TNC: variants seen among roughly 807,000 people sequenced by gnomAD.
TNC encodes the protein tenascin C, also known as tenascin.
In TNC, 109 loss-of-function variants were observed where a neutral mutation model predicts 202.4. The observed-to-expected ratio is 0.54, with a 90% CI of 0.46 to 0.63. The LOEUF (loss-of-function observed/expected upper bound fraction) is 0.63, where lower values mean the gene tolerates loss of function less well. Ranked by LOEUF, TNC falls within the 30% of genes least tolerant of loss-of-function variation. TNC has a pLI of 0.00. For synonymous variants in TNC, 1,007 were observed against 1,089.7 expected, an observed-to-expected ratio of 0.92 and a Z score of 1.50; for missense variants, 2,756 against 2,833.3, an observed-to-expected ratio of 0.97 and a Z score of 0.62.
Position 115,084,432 on chromosome 9 carries a change from T to C in TNC, c.1908A>G (p.Glu636=). The C allele has an allele frequency of 6.2e-7, 1 of 1,614,184 alleles. No homozygotes were observed. The highest frequency in any genetic ancestry group is 1.1e-5 in the South Asian group (1 of 91,080). Residue 636 remains glutamate (E), a synonymous_variant, in exon 4 of 28, where the codon GAA becomes GAG. Coordinates refer to ENST00000350763, the MANE Select transcript of TNC (RefSeq NM_002160.4). ...PKDLVVTEVT[E]ETVNLAWDNE... Reference sequence around the variant, plus strand: ...TGTCCCAGGCCAGGTTGACCGTCTCTTCCGTCACTTCTGTCACAACGAGGT... The same window carrying C: ...TGTCCCAGGCCAGGTTGACCGTCTCCTCCGTCACTTCTGTCACAACGAGGT...
intron 27 of TNC, 123 bp from the exon 28 acceptor site, chr9:115,021,390 A>G (rs1829058623): frequency 1.5e-6 from 1 of 663,664 alleles, no homozygotes; most frequent in Non-Finnish European, 2.6e-6. Flanking sequence ...TTCTGTTTCA[A>G]TTTGACCATT....
chr9:115,031,478 A>G, intron 23 of TNC, 75 bp downstream of exon 23: 1 of 1,383,220 alleles, frequency 7.2e-7, no homozygotes, highest in Non-Finnish European at 9.5e-7. Context: ...TTAAAGTAGA[A>G]GTCAAAGGGG....
intron 4 of TNC, 91 bp from the exon 5 acceptor site, chr9:115,082,898 C>T (rs907214409): frequency 2.4e-6 from 2 of 844,094 alleles, no homozygotes; most frequent in African/African-American, 3.3e-5. Flanking sequence ...GACTGGATGT[C>T]TGCAACAGTC....
chr9:115,036,017 G>A, intron 21 of TNC, 81 bp downstream of exon 21: 1 of 1,545,990 alleles, frequency 6.5e-7, no homozygotes, highest in Non-Finnish European at 8.8e-7. Context: ...AAGAAGAACT[G>A]GCTAGCGGTT....
At position 115,105,765 on chromosome 9, in the gene TNC, G is replaced by C. The variant is rs552733917; in HGVS notation, c.-137+12217C>G. ...GATAGGTACTAATCTGAGGGAAAAA[G>C]ATTTCCTAATTAAACACGTTTGGAA... On this transcript the variant is annotated intron_variant, in intron 1 of 27. Coordinates refer to ENST00000350763, the MANE Select transcript of TNC (RefSeq NM_002160.4). Among the ~76,000 whole-genome samples the C allele has an allele frequency of 3.3e-5, 5 of 152,234 alleles. No individual in the cohort carries two copies. In the South Asian group the frequency reaches 1.0e-3, roughly 32 times the overall value.
intron 1 of TNC, among the ~76,000 whole-genome samples, chr9:115,104,316 C>A (rs937707937): frequency 6.6e-6 from 1 of 152,054 alleles, no homozygotes; most frequent in Non-Finnish European, 1.5e-5. Flanking sequence ...TAGGAAGAAC[C>A]GATTACAGAC....
At chr9:115,066,715 G>A (rs1354106001) in intron 10 of TNC, among the ~76,000 whole-genome samples, 1 of 152,104 alleles carries the variant, frequency 6.6e-6, no homozygotes, top group African/African-American at 2.4e-5. Flanking sequence ...TTTTTACATG[G>A]TCGGGAAATA....
At chr9:115,026,753 A>G in intron 25 of TNC, 58 bp from the exon 26 acceptor site, 1 of 1,579,768 alleles carries the variant, frequency 6.3e-7, no homozygotes, top group South Asian at 1.1e-5. Context: ...CCTCATTTCT[A>G]TTTCACTCTG....
chr9:115,075,771 G>C (rs142062622), intron 9 of TNC, among the ~76,000 whole-genome samples: 4 of 152,052 alleles, frequency 2.6e-5, no homozygotes, highest in Non-Finnish European at 4.4e-5. Context: ...GTGGCAGAGC[G>C]ATACTCCATC....
At chr9:115,072,820 A>G (rs1385369539) in intron 10 of TNC, among the ~76,000 whole-genome samples, 1 of 152,196 alleles carries the variant, frequency 6.6e-6, no homozygotes, top group African/African-American at 2.4e-5. Flanking sequence ...GAAAAGTAAC[A>G]TTTTCCACCT....
intron 27 of TNC, among the ~76,000 whole-genome samples, chr9:115,021,708 T>C (rs1310993940): frequency 1.3e-5 from 2 of 152,194 alleles, no homozygotes; most frequent in Non-Finnish European, 2.9e-5. Context: ...GGGTTTGGTA[T>C]GGAATAGCAG....
chr9:115,033,556 T>G (rs572878347), intron 22 of TNC, among the ~76,000 whole-genome samples: 1 of 152,152 alleles, frequency 6.6e-6, no homozygotes, highest in East Asian at 1.9e-4. Context: ...ATTTTACAGA[T>G]GGGAACACTG....
intron 23 of TNC, 23 bp downstream of exon 23, chr9:115,031,530 G>T: frequency 6.6e-7 from 1 of 1,518,592 alleles, no homozygotes. Context: ...CTCAAGGCTG[G>T]ATGGCACCCT....
At position 115,086,789 on chromosome 9, in the gene TNC, G is replaced by C; in HGVS notation, c.942C>G (p.Ile314Met). Residue 314 changes from isoleucine to methionine, a missense_variant, in exon 3 of 28, where the codon ATC (isoleucine) becomes ATG (methionine). This residue lies in a region of TNC where 2,559 missense variants were observed against 2,546.0 expected (regional missense o/e 1.01). Transcript: ENST00000350763. The part of the protein sequence containing the change: ...GFTGEDCSEL[I>M]CPNDCFDRGR... ...CCCGGTCGAAGCAGTCATTGGGGCA[G>C]ATGAGCTCACTGCAGTCTTCGCCCG... is the stretch of plus-strand genomic sequence containing the variant. The C allele has an allele frequency of 6.2e-7, 1 of 1,613,934 alleles. No individual in the cohort carries two copies.
chr9:115,088,194 T>C (rs977822799), intron 2 of TNC, among the ~76,000 whole-genome samples: 7 of 152,328 alleles, frequency 4.6e-5, no homozygotes, highest in Middle Eastern at 6.8e-3. Context: ...TTCCCTGGGG[T>C]ATATCCGAGT....
Position 115,064,859 on chromosome 9 carries a change from A to G in TNC, c.3275T>C (p.Leu1092Pro), listed in dbSNP as rs765045178. Residue 1092 changes from leucine (L) to proline (P), a missense_variant, in exon 11 of 28, where the codon CTC becomes CCC. Transcript: ENST00000350763. Reference protein sequence around the residue: ...VTEVGWDGLRLNWTAADQAYE... With the variant: ...VTEVGWDGLRPNWTAADQAYE... Reference sequence around the variant, plus strand: ...GGCCTGGTCAGCTGCGGTCCAGTTGAGTCTGAGGCCATCCCAGCCAACCTC... The same window carrying G: ...GGCCTGGTCAGCTGCGGTCCAGTTGGGTCTGAGGCCATCCCAGCCAACCTC... The G allele has an allele frequency of 6.2e-7, 1 of 1,614,116 alleles. No individual in the cohort carries two copies. The highest frequency in any genetic ancestry group is 2.2e-5 in the East Asian group (1 of 44,870).
Position 115,076,389 on chromosome 9 carries a change from C to T in TNC, c.2860+1G>A. The stretch of plus-strand genomic sequence containing the variant: ...CAGGCTTGCAGAGATGCAGAGCTCA[C>T]CTGTGAGTGTGGTTTTGGTTGTGGC... On this transcript the variant is annotated splice_donor_variant, in intron 8 of 27. Transcript: ENST00000350763. LOFTEE classifies it high-confidence loss of function. The T allele has an allele frequency of 6.2e-7, 1 of 1,613,834 alleles. No individual in the cohort carries two copies. The highest frequency in any genetic ancestry group is 8.5e-7 in the Non-Finnish European group (1 of 1,179,892).
chr9:115,067,795 T>C (rs1331375436), intron 10 of TNC, among the ~76,000 whole-genome samples: 4 of 152,148 alleles, frequency 2.6e-5, no homozygotes, highest in Admixed American at 1.3e-4. Context: ...ATAGTGATGG[T>C]GTTGGTACTT....
At chr9:115,111,346 G>C (rs1837032109) in intron 1 of TNC, among the ~76,000 whole-genome samples, 1 of 147,998 alleles carries the variant, frequency 6.8e-6, no homozygotes, top group African/African-American at 2.5e-5. Flanking sequence ...TCCATGATTA[G>C]GTTACACAGG....
Sources: allele counts gnomAD v4.1 joint callset (sites outside exome capture counted in the v4.1 genomes callset), GRCh38; gene constraint gnomAD v4.1.1; regional missense constraint gnomAD v4.1.1; transcripts MANE v1.5; gene names NCBI Gene and HGNC (gene_info 2026-07-23, HGNC 2026-07-21).